The following ZNG1E variants were observed in gnomAD, a reference collection of about 807,000 sequenced individuals.
The protein encoded by ZNG1E is Zn regulated GTPase metalloprotein activator 1E.
At chr9:65,713,901 C>T in the ZNG1E span, among the ~76,000 whole-genome samples, 1 of 151,468 alleles carries the variant, frequency 6.6e-6, no homozygotes, top group African/African-American at 2.4e-5. Context: ...GAATGTTGGC[C>T]TGCCTTGCTA....
the ZNG1E span, among the ~76,000 whole-genome samples, chr9:65,710,748 G>T: frequency 6.0e-5 from 9 of 149,564 alleles, no homozygotes; most frequent in African/African-American, 2.0e-4. Flanking sequence ...TGCTGTTTTG[G>T]TTACTGTAGC....
chr9:65,715,322 G>A, the ZNG1E span, among the ~76,000 whole-genome samples: 9 of 150,948 alleles, frequency 6.0e-5, no homozygotes, highest in African/African-American at 1.5e-4. Context: ...AGATGAACCC[G>A]GTACCTCAGA....
the ZNG1E span, among the ~76,000 whole-genome samples, chr9:65,681,192 A>T: frequency 9.0e-4 from 137 of 152,034 alleles, no homozygotes; most frequent in East Asian, 0.014. Flanking sequence ...AAAGATAGAT[A>T]AGGCAGTCTC....
chr9:65,657,476 A>G, the ZNG1E span, among the ~76,000 whole-genome samples: 8 of 152,300 alleles, frequency 5.3e-5, no homozygotes, highest in African/African-American at 7.2e-5. Flanking sequence ...GCCCAAAAAA[A>G]CAAATTTCAC....
At chr9:65,666,973 A>G in the ZNG1E span, among the ~76,000 whole-genome samples, 1 of 151,568 alleles carries the variant, frequency 6.6e-6, no homozygotes. Context: ...GGAGTGTGCT[A>G]TCACACTCGG....
the ZNG1E span, among the ~76,000 whole-genome samples, chr9:65,685,253 G>C: frequency 6.6e-6 from 1 of 152,254 alleles, no homozygotes; most frequent in Non-Finnish European, 1.5e-5. Context: ...GACCAATCAG[G>C]GTAGTAGTTA....
At chr9:65,673,826 T>C in the ZNG1E span, among the ~76,000 whole-genome samples, 1 of 152,294 alleles carries the variant, frequency 6.6e-6, no homozygotes, top group Non-Finnish European at 1.5e-5. Context: ...AGAGGGATTT[T>C]AGTATAACAT....
the ZNG1E span, among the ~76,000 whole-genome samples, chr9:65,668,478 A>G: frequency 6.6e-6 from 1 of 150,724 alleles, no homozygotes. Flanking sequence ...TACATAATTT[A>G]TATATAAATA....
the ZNG1E span, chr9:65,707,950 C>A: frequency 1.3e-5 from 2 of 150,462 alleles, no homozygotes; most frequent in East Asian, 3.9e-4. Context: ...ACCTCCACTT[C>A]CTGGGTTCAA....
At chr9:65,671,707 G>C in the ZNG1E span, among the ~76,000 whole-genome samples, 4 of 151,470 alleles carry the variant, frequency 2.6e-5, no homozygotes, top group African/African-American at 9.7e-5. Flanking sequence ...TATTATACTG[G>C]AATCTTCTGT....
chr9:65,680,690 A>C, the ZNG1E span, among the ~76,000 whole-genome samples: 2 of 152,272 alleles, frequency 1.3e-5, no homozygotes, highest in African/African-American at 2.4e-5. Flanking sequence ...GAAAAGTAAA[A>C]CATTTAAAGT....
chr9:65,666,948 G>A, the ZNG1E span, among the ~76,000 whole-genome samples: 22 of 152,288 alleles, frequency 1.4e-4, no homozygotes, highest in African/African-American at 4.8e-4. Context: ...AGCCTCCCGA[G>A]TAGCTGGGAT....
the ZNG1E span, among the ~76,000 whole-genome samples, chr9:65,680,909 C>T: frequency 1.5e-4 from 23 of 152,142 alleles, no homozygotes; most frequent in East Asian, 3.8e-4. Flanking sequence ...CTGCCTCAGC[C>T]GCCTGAGTAG....
chr9:65,659,356 G>A, the ZNG1E span, among the ~76,000 whole-genome samples: 296 of 121,372 alleles, frequency 2.4e-3, 1 homozygote, highest in Middle Eastern at 4.0e-3. Context: ...TTAGCCAGGC[G>A]TGGTGGCGCA....
At chr9:65,687,561 G>T in the ZNG1E span, among the ~76,000 whole-genome samples, 2 of 152,158 alleles carry the variant, frequency 1.3e-5, no homozygotes, top group African/African-American at 2.4e-5. Context: ...GGATTTCTTT[G>T]TCCAATGTTT....
chr9:65,690,139 C>A, the ZNG1E span, among the ~76,000 whole-genome samples: 241 of 73,124 alleles, frequency 3.3e-3, no homozygotes, highest in African/African-American at 0.011. Context: ...CTTGGGGGAC[C>A]ACATCTTTTC....
chr9:65,677,523 G>A, the ZNG1E span, among the ~76,000 whole-genome samples: 1 of 152,286 alleles, frequency 6.6e-6, no homozygotes, highest in African/African-American at 2.4e-5. Flanking sequence ...AACTTCGTCT[G>A]TTACCATTCC....
chr9:65,672,465 G>C, the ZNG1E span, among the ~76,000 whole-genome samples: 1 of 99,874 alleles, frequency 1.0e-5, no homozygotes, highest in Non-Finnish European at 2.2e-5. Context: ...AAAAAAAAAA[G>C]CCCGGCACAG....
chr9:65,656,665 C>T, the ZNG1E span, among the ~76,000 whole-genome samples: 1 of 152,288 alleles, frequency 6.6e-6, no homozygotes, highest in Non-Finnish European at 1.5e-5. Flanking sequence ...AACTTACTTC[C>T]TGGAGAACAT....
Sources: allele counts gnomAD v4.1 joint callset (sites outside exome capture counted in the v4.1 genomes callset), GRCh38; gene constraint gnomAD v4.1.1; transcripts MANE v1.5; gene names NCBI Gene and HGNC (gene_info 2026-07-23, HGNC 2026-07-21).